Variants in ADCY7 observed in about 807,000 individuals in gnomAD.
ADCY7 encodes the protein adenylate cyclase type 7.
ADCY7 carries 72 observed loss-of-function variants against 120.6 expected under a neutral mutation model. The ratio of observed to expected loss-of-function variants is 0.60; its 90% CI spans 0.49 to 0.73. ADCY7 has a LOEUF of 0.73. Among genes scored for constraint, ADCY7 ranks in the 30% least tolerant of loss-of-function variants. ADCY7 has a pLI of 0.00. For synonymous variants in ADCY7, 661 were observed against 628.0 expected (o/e 1.05, Z -0.78); for missense variants, 1,227 against 1,486.0 (o/e 0.83, Z 2.87).
chr16:50,247,057 A>C (rs866854130), intron 1 of ADCY7, among the ~76,000 whole-genome samples: 1 of 152,176 alleles, frequency 6.6e-6, no homozygotes, highest in Non-Finnish European at 1.5e-5. Context: ...GATTGAATGA[A>C]TGAATGAATG....
In ADCY7 at chr16:50,316,492, C is replaced by G. The variant is rs763837174; in HGVS notation, c.*987C>G. 4 of 152,352 alleles carry G rather than the reference C, an allele frequency of 2.6e-5. No homozygotes were observed. The highest frequency in any genetic ancestry group is 5.9e-5 in the Non-Finnish European group (4 of 68,050). The allele number at this position is 152,352 out of a possible 1,614,324, so 9.4% of individuals were successfully genotyped here. On this transcript the variant is annotated 3_prime_UTR_variant, in exon 26 of 26. Transcript: ENST00000673801. The stretch of plus-strand genomic sequence containing the variant: ...AGGAATGGAGTCTGTTTAGAGACAA[C>G]TTGGACAACCTGTGAGTGCATCTCT...
chr16:50,276,690 T>C (rs1221915760), intron 1 of ADCY7, among the ~76,000 whole-genome samples: 1 of 152,194 alleles, frequency 6.6e-6, no homozygotes, highest in Non-Finnish European at 1.5e-5. Context: ...TAACCTGAAC[T>C]CAGGAGGTCC....
At chr16:50,269,251 C>T (rs1280975144) in intron 1 of ADCY7, among the ~76,000 whole-genome samples, 3 of 152,198 alleles carry the variant, frequency 2.0e-5, no homozygotes, top group Non-Finnish European at 4.4e-5. Context: ...GATCGGTCCT[C>T]AGGCATCCAG....
At chr16:50,263,655 T>C (rs2033116812), upstream of ADCY7, among the ~76,000 whole-genome samples, 2 of 152,016 alleles carry the variant, frequency 1.3e-5, no homozygotes, top group Non-Finnish European at 2.9e-5. Flanking sequence ...CCCTCCTGTG[T>C]CCAGGCATCT....
chr16:50,310,696 T>C lies in ADCY7; in HGVS notation c.2170T>C (p.Cys724Arg). Residue 724 changes from cysteine to arginine, a missense_variant, in exon 19 of 26, where the codon TGC becomes CGC. Coordinates refer to ENST00000673801, the MANE Select transcript of ADCY7 (RefSeq NM_001114.5). ...ALCEPLPYYT[C>R]SCVLGFIACS... The stretch of plus-strand genomic sequence containing the variant: ...CACCCTGCCCCCTCAGTACTACACC[T>C]GCAGCTGTGTCCTGGGCTTCATCGC... 6.2e-7 allele frequency: 1 copy of C among 1,613,900 alleles called. No homozygotes were observed. Among genetic ancestry groups the C allele is most frequent in the African/African-American group, 1.3e-5 (1 of 75,004 alleles).
chr16:50,304,206 A>T (rs867862953), intron 10 of ADCY7, among the ~76,000 whole-genome samples, 154 bp from the exon 11 acceptor site: 1 of 152,142 alleles, frequency 6.6e-6, no homozygotes, highest in South Asian at 2.1e-4. Context: ...CCGCTCTCCA[A>T]GGGGACTGCG....
intron 1 of ADCY7, among the ~76,000 whole-genome samples, chr16:50,286,121 C>G (rs566053219): frequency 6.6e-6 from 1 of 151,954 alleles, no homozygotes; most frequent in Non-Finnish European, 1.5e-5. Flanking sequence ...AAGATTTTTG[C>G]TGGGTACAGT....
At chr16:50,293,216 TG>T in intron 5 of ADCY7, 137 bp from the exon 6 acceptor site, 1 of 951,610 alleles carries the variant, frequency 1.1e-6, no homozygotes, top group Non-Finnish European at 1.6e-6. Context: ...GGGGACATTG[TG>T]GGCAGGGCAG....
chr16:50,271,501 G>T (rs894529788), intron 1 of ADCY7, among the ~76,000 whole-genome samples: 1 of 152,176 alleles, frequency 6.6e-6, no homozygotes, highest in Admixed American at 6.5e-5. Context: ...GTGTTAGGAT[G>T]GGGTGGGGAC....
intron 1 of ADCY7, among the ~76,000 whole-genome samples, chr16:50,281,086 C>G (rs1025964360): frequency 2.0e-5 from 3 of 152,152 alleles, no homozygotes; most frequent in African/African-American, 7.2e-5. Flanking sequence ...GGGGCCTGCC[C>G]ACTCTGCACC....
At chr16:50,249,482 G>A (rs1004052998) in intron 1 of ADCY7, among the ~76,000 whole-genome samples, 1 of 151,416 alleles carries the variant, frequency 6.6e-6, no homozygotes, top group Admixed American at 6.6e-5. Context: ...CAAAACCAAA[G>A]TACTCAGGCC....
intron 1 of ADCY7, among the ~76,000 whole-genome samples, chr16:50,253,744 G>A (rs182780846): frequency 3.7e-4 from 57 of 152,250 alleles, no homozygotes; most frequent in East Asian, 9.7e-4. Context: ...TAATGACGCC[G>A]CCCAGGCTGG....
upstream of ADCY7, among the ~76,000 whole-genome samples, chr16:50,262,187 G>C (rs1462631264): frequency 1.3e-5 from 2 of 151,906 alleles, no homozygotes; most frequent in Non-Finnish European, 2.9e-5. Context: ...TGTTGCCCAG[G>C]GTAGGAAGTC....
intron 22 of ADCY7, 102 bp downstream of exon 22, chr16:50,313,138 C>T (rs2036577127): frequency 6.8e-7 from 1 of 1,480,588 alleles, no homozygotes; most frequent in Non-Finnish European, 9.1e-7. Context: ...AAATGTGACA[C>T]AGAGCTGGGC....
At chr16:50,281,084 C>T (rs993675151) in intron 1 of ADCY7, among the ~76,000 whole-genome samples, 3 of 152,152 alleles carry the variant, frequency 2.0e-5, no homozygotes, top group Non-Finnish European at 2.9e-5. Context: ...GGGGGGCCTG[C>T]CCACTCTGCA....
rs1469041497 is a variant in ADCY7 at position 50,317,395 on chromosome 16, G to T, written c.*1890G>T. ...GCAGTGACCAGGGCTGCCCGGCGGG[G>T]GCTCTCCTGGCAAGTCAGGAAGGTT... is the stretch of plus-strand genomic sequence containing the variant. On this transcript the variant is annotated 3_prime_UTR_variant, in exon 26 of 26. Coordinates refer to ENST00000673801, the MANE Select transcript of ADCY7 (RefSeq NM_001114.5). The T allele has an allele frequency of 6.7e-6, 1 of 150,352 alleles. No individual in the cohort carries two copies. Among genetic ancestry groups the T allele is most frequent in the Non-Finnish European group, 1.5e-5 (1 of 68,032 alleles). The allele number at this position is 150,352 out of a possible 1,614,324, so 9.3% of individuals were successfully genotyped here. A position where few individuals can be genotyped will look rare whatever the true frequency, so the allele number is the denominator to read the frequency against.
intron 10 of ADCY7, among the ~76,000 whole-genome samples, chr16:50,303,695 C>T (rs2035879700): frequency 6.6e-6 from 1 of 152,158 alleles, no homozygotes; most frequent in Non-Finnish European, 1.5e-5. Context: ...GAGTGTCCAG[C>T]ATGAGGCTGG....
intron 1 of ADCY7, among the ~76,000 whole-genome samples, chr16:50,249,517 G>T (rs991490679): frequency 6.6e-6 from 1 of 152,180 alleles, no homozygotes; most frequent in Non-Finnish European, 1.5e-5. Context: ...GACCTCATGG[G>T]TTCCCCCTGA....
intron 21 of ADCY7, 118 bp from the exon 22 acceptor site, chr16:50,312,772 C>T: frequency 1.1e-6 from 1 of 938,900 alleles, no homozygotes; most frequent in Non-Finnish European, 1.5e-6. Flanking sequence ...GCCCCCCTCC[C>T]CACTCCCCGA....
Sources: gnomAD v4.1 joint callset for allele counts (sites outside exome capture counted in the v4.1 genomes callset) on GRCh38, gnomAD v4.1.1 for gene constraint, MANE v1.5 for transcripts, NCBI Gene and HGNC (gene_info 2026-07-23, HGNC 2026-07-21) for gene names.